Variants in VEGFC observed in about 807,000 individuals in gnomAD.
The protein encoded by VEGFC is vascular endothelial growth factor C.
A neutral mutation model predicts 46.1 loss-of-function variants in VEGFC; 12 were observed. That is an observed-to-expected ratio of 0.26 (90% CI 0.17 to 0.42). VEGFC has a LOEUF of 0.42. VEGFC is among the 10% of genes least tolerant of loss of function. VEGFC has a pLI of 1.00. For synonymous variants in VEGFC, 232 were observed against 195.5 expected (o/e 1.19, Z -1.56); for missense variants, 488 against 529.4 (o/e 0.92, Z 0.77).
At chr4:176,685,106 C>T (rs1002766819) in intron 6 of VEGFC, among the ~76,000 whole-genome samples, 2 of 152,150 alleles carry the variant, frequency 1.3e-5, no homozygotes, top group Non-Finnish European at 2.9e-5. Context: ...GGGAAAAGTG[C>T]AAGATGACCT....
intron 1 of VEGFC, among the ~76,000 whole-genome samples, chr4:176,782,628 T>C (rs1735936244): frequency 6.6e-6 from 1 of 152,174 alleles, no homozygotes; most frequent in Non-Finnish European, 1.5e-5. Flanking sequence ...TTTTATTATA[T>C]GCTTACATAC....
intron 1 of VEGFC, among the ~76,000 whole-genome samples, chr4:176,755,570 C>A (rs1735418866): frequency 6.6e-6 from 1 of 151,992 alleles, no homozygotes; most frequent in Admixed American, 6.6e-5. Context: ...GATTGCCTCC[C>A]AGATAGACTC....
At chr4:176,773,501 TA>T (rs1735756645) in intron 1 of VEGFC, among the ~76,000 whole-genome samples, 1 of 152,060 alleles carries the variant, frequency 6.6e-6, no homozygotes, top group Non-Finnish European at 1.5e-5. Context: ...ATCATACCTA[TA>T]AAAATAATAA....
intron 5 of VEGFC, 46 bp downstream of exon 5, chr4:176,687,775 A>C (rs899285916): frequency 2.9e-6 from 4 of 1,358,244 alleles, no homozygotes; most frequent in Admixed American, 2.0e-5. Context: ...TGTTAATCAC[A>C]ATATAGACCC....
At chr4:176,785,811 G>A (rs954943980) in intron 1 of VEGFC, among the ~76,000 whole-genome samples, 2 of 152,102 alleles carry the variant, frequency 1.3e-5, no homozygotes, top group Non-Finnish European at 1.5e-5. Context: ...ACTATTAAGC[G>A]GTGTATGCAT....
intron 6 of VEGFC, among the ~76,000 whole-genome samples, chr4:176,686,558 G>T (rs1734045643): frequency 6.6e-6 from 1 of 152,192 alleles, no homozygotes; most frequent in Non-Finnish European, 1.5e-5. Flanking sequence ...GACAGGTCTG[G>T]CTTAAATAGT....
At chr4:176,743,825 C>T (rs2110883437) in intron 1 of VEGFC, among the ~76,000 whole-genome samples, 1 of 151,920 alleles carries the variant, frequency 6.6e-6, no homozygotes, top group African/African-American at 2.4e-5. Flanking sequence ...ACCTTTCTAA[C>T]CTCTTCATAA....
chr4:176,768,429 G>C (rs1198025338), intron 1 of VEGFC, among the ~76,000 whole-genome samples: 1 of 144,578 alleles, frequency 6.9e-6, no homozygotes, highest in East Asian at 2.1e-4. Flanking sequence ...GTGCATTGAA[G>C]ACAAAGCTGA....
intron 4 of VEGFC, among the ~76,000 whole-genome samples, chr4:176,693,580 C>A (rs1031269910): frequency 6.9e-6 from 1 of 144,922 alleles, no homozygotes; most frequent in Non-Finnish European, 1.5e-5. Context: ...AGAACTTCCC[C>A]AATCTAGCAA....
intron 1 of VEGFC, among the ~76,000 whole-genome samples, chr4:176,781,241 C>T (rs1240111238): frequency 6.6e-6 from 1 of 152,136 alleles, no homozygotes; most frequent in Non-Finnish European, 1.5e-5. Context: ...CAATGAATCA[C>T]TATTATGTTA....
Position 176,792,261 on chromosome 4 carries a change from C to G in VEGFC, c.51G>C (p.Ala17=). 1.9e-6 allele frequency: 3 copies of G among 1,556,978 alleles called. No homozygotes were observed. The highest frequency in any genetic ancestry group is 2.6e-6 in the Non-Finnish European group (3 of 1,153,862). The change falls in exon 1 of 7, where the codon GCG becomes GCC. Residue 17 remains alanine, a synonymous_variant. Coordinates refer to ENST00000618562, the MANE Select transcript of VEGFC (RefSeq NM_005429.5). This position sits in a 1 kb window ranked among gnomAD's most constrained non-coding sequence, Gnocchi z 6.3. ...GCGCCTCGCGAGGACCCGGGAGCAG[C>G]GCAGCGGCGAGCAGAGAACACGCCA... ...FSVACSLLAA[A]LLPGPREAPA...
chr4:176,731,903 TA>T (rs1017120560), intron 1 of VEGFC, among the ~76,000 whole-genome samples: 1 of 151,848 alleles, frequency 6.6e-6, no homozygotes, highest in Non-Finnish European at 1.5e-5. Context: ...TTATATTTAT[TA>T]AAAAAACACT....
intron 1 of VEGFC, among the ~76,000 whole-genome samples, chr4:176,742,331 C>T (rs562937679): frequency 1.7e-4 from 26 of 152,062 alleles, no homozygotes; most frequent in Middle Eastern, 3.4e-3. Flanking sequence ...TCCAGTCCCC[C>T]GCTGATAGGA....
chr4:176,781,048 A>C (rs1220235204), intron 1 of VEGFC, among the ~76,000 whole-genome samples: 1 of 152,236 alleles, frequency 6.6e-6, no homozygotes, highest in Non-Finnish European at 1.5e-5. Flanking sequence ...AGGAAAAAAA[A>C]TATTGCATTA....
intron 3 of VEGFC, among the ~76,000 whole-genome samples, chr4:176,722,499 G>GT (rs796817880): frequency 0.013 from 1,307 of 104,556 alleles, 6 homozygotes; most frequent in African/African-American, 0.016. Context: ...TTTTTTTTTT[G>GT]TTTTTTTTTT....
Position 176,729,585 on chromosome 4 carries a change from T to C in VEGFC, c.309A>G (p.Thr103=), listed in dbSNP as rs1389176073. ...NREQANLNSR[T]EETIKFAAAH... is the part of the protein sequence containing the mutation. ...CTGCAGCAAATTTTATAGTCTCTTC[T>C]GTCCTTGAGTTGAGGTTGGCCTGTT... Residue 103 remains threonine, a synonymous_variant, in exon 2 of 7, where the codon ACA becomes ACG. Coordinates refer to ENST00000618562, the MANE Select transcript of VEGFC (RefSeq NM_005429.5). 6.2e-7 allele frequency: 1 copy of C among 1,613,724 alleles called. No individual in the cohort carries two copies. Among genetic ancestry groups the C allele is most frequent in the Non-Finnish European group, 8.5e-7 (1 of 1,179,934 alleles).
intron 6 of VEGFC, among the ~76,000 whole-genome samples, chr4:176,685,267 T>C (rs1734018362): frequency 6.6e-6 from 1 of 152,204 alleles, no homozygotes; most frequent in Admixed American, 6.6e-5. Context: ...GGTATTCCTC[T>C]ACTAAAAAGG....
chr4:176,722,675 T>A (rs1340523341), intron 3 of VEGFC, among the ~76,000 whole-genome samples: 1 of 151,950 alleles, frequency 6.6e-6, no homozygotes, highest in Admixed American at 6.6e-5. Flanking sequence ...ATTTTTATAC[T>A]TTTTTGGGGA....
intron 1 of VEGFC, among the ~76,000 whole-genome samples, chr4:176,787,570 G>A (rs1265760023): frequency 1.3e-5 from 2 of 151,728 alleles, no homozygotes; most frequent in Non-Finnish European, 2.9e-5. Context: ...TAGGGCGCGA[G>A]CAGTATAAGG....
Sources: allele counts gnomAD v4.1 joint callset (sites outside exome capture counted in the v4.1 genomes callset), GRCh38; gene constraint gnomAD v4.1.1; non-coding constraint Gnocchi (gnomAD v3.1); transcripts MANE v1.5; gene names NCBI Gene and HGNC (gene_info 2026-07-23, HGNC 2026-07-21).